SLC25A46: variants seen among roughly 807,000 people sequenced by gnomAD.
SLC25A46 encodes solute carrier family 25 member 46, also known as mitochondrial outer membrane protein SLC25A46.
Under a neutral mutation model 44.6 loss-of-function variants are expected in SLC25A46, and 39 were observed. The ratio of observed to expected loss-of-function variants is 0.87; its 90% confidence interval spans 0.68 to 1.14. The LOEUF (loss-of-function observed/expected upper bound fraction) is 1.14. Ranked by LOEUF, SLC25A46 falls within the 50% of genes most tolerant of loss-of-function variation. The pLI, the probability that SLC25A46 is intolerant of heterozygous loss-of-function variation, is 0.00. For synonymous variants in SLC25A46, 202 were observed against 185.8 expected, an observed-to-expected ratio of 1.09 and a Z score of -0.71; for missense variants, 547 against 522.7, an observed-to-expected ratio of 1.05 and a Z score of -0.45.
intron 7 of SLC25A46, among the ~76,000 whole-genome samples, chr5:110,758,352 C>G (rs1393852156): frequency 6.6e-6 from 1 of 152,134 alleles, no homozygotes; most frequent in East Asian, 1.9e-4. Flanking sequence ...ATCTGTCCCT[C>G]TAAAAATTAG....
At chr5:110,741,294 T>C (rs1018716864) in intron 1 of SLC25A46, among the ~76,000 whole-genome samples, 1 of 152,236 alleles carries the variant, frequency 6.6e-6, no homozygotes, top group Non-Finnish European at 1.5e-5. Context: ...CTGTGAACTT[T>C]TCCAGTAACA....
chr5:110,756,914 G>T, intron 7 of SLC25A46, 155 bp downstream of exon 7: 1 of 441,230 alleles, frequency 2.3e-6, no homozygotes, highest in South Asian at 8.3e-5. Flanking sequence ...CACGTTGCTT[G>T]TCTGTATATT....
rs201789237 is a variant in SLC25A46 at position 110,761,412 on chromosome 5, A to G, written c.887A>G (p.Asn296Ser). ...VLLILKRKTY[N>S]SHLAESTSPV... The stretch of plus-strand genomic sequence containing the variant: ...CTAATTCTAAAGAGAAAGACTTACA[A>G]TAGCCACCTAGCTGAGAGCACTAGC... The change falls in exon 8 of 8, where the codon AAT becomes AGT. Residue 296 changes from asparagine (N) to serine (S), a missense_variant. Physicochemically the swap from Asn to Ser is conservative, Grantham distance 46. Coordinates refer to ENST00000355943, the MANE Select transcript of SLC25A46 (RefSeq NM_138773.4). The surrounding 1 kb of genome is among the most constrained non-coding windows in gnomAD (Gnocchi z 5.3). 120 of 1,613,744 alleles carry G rather than the reference A, an allele frequency of 7.4e-5. No individual in the cohort carries two copies. Among genetic ancestry groups the G allele is most frequent in the Non-Finnish European group, 9.7e-5 (115 of 1,179,794 alleles).
At chr5:110,748,139 T>G in intron 4 of SLC25A46, 24 bp from the exon 5 acceptor site, 1 of 1,540,732 alleles carries the variant, frequency 6.5e-7, no homozygotes, top group Non-Finnish European at 9.0e-7. Context: ...TTAACAGAAA[T>G]AACATGAATT....
intron 1 of SLC25A46, 141 bp downstream of exon 1, chr5:110,739,543 TG>T: frequency 8.4e-7 from 1 of 1,194,656 alleles, no homozygotes; most frequent in African/African-American, 1.6e-5. Flanking sequence ...TGCCCTCCTT[TG>T]GTCCTCTGCC....
At position 110,748,174 on chromosome 5, in the gene SLC25A46, C is replaced by A; in HGVS notation, c.474C>A (p.Ala158=). The change falls in exon 5 of 8, where the codon GCC becomes GCA. Residue 158 remains alanine, a synonymous_variant. Transcript: ENST00000355943. Reference sequence around the variant, plus strand: ...TTTGTTCAATTTAGGGACCTAGAGCCCTGTGGAAAGGAATGGGAAGTACAT... The same window carrying A: ...TTTGTTCAATTTAGGGACCTAGAGCACTGTGGAAAGGAATGGGAAGTACAT... ...YSFNKTQGPR[A]LWKGMGSTFI... 1.2e-6 allele frequency: 2 copies of A among 1,612,500 alleles called. No individual in the cohort carries two copies. The highest frequency in any genetic ancestry group is 1.7e-4 in the Middle Eastern group (1 of 6,056).
intron 7 of SLC25A46, among the ~76,000 whole-genome samples, chr5:110,760,063 G>A (rs1010357371): frequency 2.5e-4 from 38 of 151,988 alleles, no homozygotes; most frequent in African/African-American, 8.9e-4. Context: ...ACTCCATTTG[G>A]AGTTAATTTA....
rs763508905 is a variant in SLC25A46, at chr5:110,763,392, G to A, written c.*1610G>A. The A allele has an allele frequency of 2.0e-5, 3 of 151,900 alleles. No individual in the cohort carries two copies. Among genetic ancestry groups the A allele is most frequent in the Admixed American group, 6.6e-5 (1 of 15,212 alleles). 9.4% of individuals were successfully genotyped at this position (151,900 alleles called of 1,614,324 possible). ...TAGCAAATCTCTCGTGTGTGTGTGT[G>A]TGTAGTTACTGAAACACCTACATTT... On this transcript the variant is annotated 3_prime_UTR_variant, in exon 8 of 8. Transcript: ENST00000355943.
In SLC25A46 at chr5:110,764,215, G is replaced by A. The variant is rs1249401077; in HGVS notation, c.*2433G>A. 1 of 151,726 alleles carries A rather than the reference G, an allele frequency of 6.6e-6. No individual in the cohort carries two copies. The highest frequency in any genetic ancestry group is 1.5e-5 in the Non-Finnish European group (1 of 67,828). The allele number at this position is 151,726 out of a possible 1,614,324, so 9.4% of individuals were successfully genotyped here. ...TGATACACTTGCCTTACATTGTAGGGTTTCTTAATTTGAGTCAAGTACACT... is the reference window on the plus strand; with the variant it reads ...TGATACACTTGCCTTACATTGTAGGATTTCTTAATTTGAGTCAAGTACACT... On this transcript the variant is annotated 3_prime_UTR_variant, in exon 8 of 8. Transcript: ENST00000355943.
intron 7 of SLC25A46, among the ~76,000 whole-genome samples, chr5:110,759,762 T>TA (rs1420488762): frequency 1.3e-5 from 2 of 152,120 alleles, no homozygotes; most frequent in Non-Finnish European, 2.9e-5. Context: ...TACATCTTTA[T>TA]TAGGATCTCT....
chr5:110,739,111 C>G lies in SLC25A46; in HGVS notation c.-9C>G. The stretch of plus-strand genomic sequence containing the variant: ...CCGGGCGGGCTCGCGTCATCCTGCC[C>G]CCGCTGCGATGCATCCGCGGCGCCC... On this transcript the variant is annotated 5_prime_UTR_variant, in exon 1 of 8. Transcript: ENST00000355943. 6.5e-7 allele frequency: 1 copy of G among 1,545,388 alleles called. No individual in the cohort carries two copies. The highest frequency in any genetic ancestry group is 2.1e-4 in the Middle Eastern group (1 of 4,752).
In SLC25A46 at chr5:110,741,216, C is replaced by A. The variant is rs528430206; in HGVS notation, c.284-831C>A. On this transcript the variant is annotated intron_variant, in intron 1 of 7. Coordinates refer to ENST00000355943, the MANE Select transcript of SLC25A46 (RefSeq NM_138773.4). The stretch of plus-strand genomic sequence containing the variant: ...CCCCTGGGGTTGTAATAGTTCACCA[C>A]TATGACTTTGAGTTTAGTCAAGAAG... 6.6e-5 allele frequency among the ~76,000 whole-genome samples: 10 copies of A among 152,278 alleles called. No homozygotes were observed. In the East Asian group the frequency reaches 1.5e-3, roughly 23 times the overall value.
Position 110,742,604 on chromosome 5 carries a change from C to T in SLC25A46, c.326+515C>T, listed in dbSNP as rs185597550. Reference sequence around the variant, plus strand: ...TAATATTGTGTATTATATATTGTTTCCCTTACTTACCTGTTTGCAGATCTG... The same window carrying T: ...TAATATTGTGTATTATATATTGTTTTCCTTACTTACCTGTTTGCAGATCTG... On this transcript the variant is annotated intron_variant, in intron 2 of 7. Coordinates refer to ENST00000355943, the MANE Select transcript of SLC25A46 (RefSeq NM_138773.4). 1.8e-3 allele frequency among the ~76,000 whole-genome samples: 276 copies of T among 151,890 alleles called. 2 individuals carry two copies. The highest frequency in any genetic ancestry group is 6.0e-3 in the African/African-American group (250 of 41,476).
At chr5:110,739,470 C>G (rs1303966892) in intron 1 of SLC25A46, 68 bp downstream of exon 1, 1 of 1,488,958 alleles carries the variant, frequency 6.7e-7, no homozygotes, top group African/African-American at 1.4e-5. Flanking sequence ...CCTGCAGACC[C>G]CGGAAGCGGC....
intron 3 of SLC25A46, 56 bp downstream of exon 3, chr5:110,743,843 G>T: frequency 3.8e-6 from 5 of 1,304,302 alleles, no homozygotes; most frequent in African/African-American, 1.5e-5. Context: ...AATATGAAGG[G>T]CAGAACTCAC....
chr5:110,758,239 A>G (rs7736617), intron 7 of SLC25A46, among the ~76,000 whole-genome samples: 15,130 of 151,704 alleles, frequency 0.1, 885 homozygotes, highest in South Asian at 0.21. Flanking sequence ...TCTGTTTTTT[A>G]TCCTATACTC....
At chr5:110,744,231 G>C (rs1799761331) in intron 3 of SLC25A46, among the ~76,000 whole-genome samples, 1 of 152,150 alleles carries the variant, frequency 6.6e-6, no homozygotes, top group Non-Finnish European at 1.5e-5. Context: ...TTGTACACAT[G>C]TATAGTTGAA....
At chr5:110,739,497 C>T (rs1189425086) in intron 1 of SLC25A46, 95 bp downstream of exon 1, 3 of 1,451,016 alleles carry the variant, frequency 2.1e-6, no homozygotes, top group African/African-American at 2.9e-5. Flanking sequence ...GATCCCGCCT[C>T]CTATTCCTTC....
rs1355360163 is a variant in SLC25A46 at position 110,762,131 on chromosome 5, C to G, written c.*349C>G. On this transcript the variant is annotated 3_prime_UTR_variant, in exon 8 of 8. Transcript: ENST00000355943. ...CTATTCCATCTGACTTCAATATTTG[C>G]CAAACGTTTATTTTACCTCCTAGAT... The G allele has an allele frequency of 9.6e-6, 2 of 207,810 alleles. No homozygotes were observed. Among genetic ancestry groups the G allele is most frequent in the East Asian group, 2.5e-4 (2 of 8,084 alleles). 12.9% of individuals were successfully genotyped at this position (207,810 alleles called of 1,614,324 possible).
Sources: gnomAD v4.1 joint callset for allele counts (sites outside exome capture counted in the v4.1 genomes callset) on GRCh38, gnomAD v4.1.1 for gene constraint, Gnocchi (gnomAD v3.1) non-coding constraint, MANE v1.5 for transcripts, NCBI Gene and HGNC (gene_info 2026-07-23, HGNC 2026-07-21) for gene names.